The following MEGF11 variants were observed in gnomAD, a reference collection of about 807,000 sequenced individuals.
MEGF11 encodes the protein multiple epidermal growth factor-like domains protein 11.
In MEGF11, 126 loss-of-function variants were observed where a neutral mutation model predicts 146.6. The ratio of observed to expected loss-of-function variants is 0.86; its 90% CI spans 0.74 to 1.00. The LOEUF (loss-of-function observed/expected upper bound fraction) is 1.00. MEGF11 is among the 50% of genes least tolerant of loss of function. MEGF11 has a pLI of 0.00. For missense variants in MEGF11, 1,509 were observed against 1,521.2 expected, an observed-to-expected ratio of 0.99 and a Z score of 0.13; for synonymous variants, 532 against 583.4, an observed-to-expected ratio of 0.91 and a Z score of 1.27.
intron 19 of MEGF11, chr15:65,914,179 G>A: frequency 1.7e-6 from 1 of 577,748 alleles, no homozygotes. Context: ...TCATGACAAG[G>A]AGCAATTGTG....
intron 1 of MEGF11, among the ~76,000 whole-genome samples, chr15:66,194,798 T>C (rs1343150449): frequency 2.6e-5 from 4 of 152,076 alleles, no homozygotes; most frequent in Admixed American, 2.6e-4. Context: ...ACATGACTTG[T>C]TCCCCCAAAA....
rs142414637 is a variant in MEGF11 at position 66,226,720 on chromosome 15, C to T, written c.-9+26885G>A. On this transcript the variant is annotated intron_variant, in intron 1 of 25. Transcript: ENST00000395614. ...GAAAAAACATAGTCTATATAGGGGT[C>T]GGTACTGTCCACAGCATCCACTGGG... Among the ~76,000 whole-genome samples, 28 of 152,222 alleles carry T rather than the reference C, an allele frequency of 1.8e-4. No homozygotes were observed. The East Asian group carries it at 4.6e-3, about 25-fold the overall frequency.
intron 7 of MEGF11, among the ~76,000 whole-genome samples, chr15:65,974,099 C>A (rs909467077): frequency 2.0e-5 from 3 of 152,200 alleles, no homozygotes; most frequent in Admixed American, 1.3e-4. Flanking sequence ...GTTCAACACA[C>A]AATTATTAAG....
At chr15:65,952,366 C>T (rs2080438082) in intron 10 of MEGF11, among the ~76,000 whole-genome samples, 1 of 152,148 alleles carries the variant, frequency 6.6e-6, no homozygotes, top group African/African-American at 2.4e-5. Flanking sequence ...TGATGCCAAC[C>T]TGCAAGTGGA....
intron 7 of MEGF11, among the ~76,000 whole-genome samples, chr15:65,980,068 G>A (rs1248867237): frequency 6.6e-6 from 1 of 152,106 alleles, no homozygotes; most frequent in African/African-American, 2.4e-5. Context: ...AAGTGCAGGG[G>A]GCGAAGTTAG....
At chr15:66,231,944 C>G (rs986308507) in intron 1 of MEGF11, among the ~76,000 whole-genome samples, 1 of 152,240 alleles carries the variant, frequency 6.6e-6, no homozygotes, top group East Asian at 1.9e-4. Context: ...TCCAATCCCC[C>G]CAACAACCCT....
intron 5 of MEGF11, among the ~76,000 whole-genome samples, chr15:66,045,072 A>G (rs1254717526): frequency 6.6e-6 from 1 of 152,082 alleles, no homozygotes; most frequent in Non-Finnish European, 1.5e-5. Flanking sequence ...TGCTATAATA[A>G]ACATCCCCCA....
At chr15:66,009,481 C>A (rs987898038) in intron 5 of MEGF11, among the ~76,000 whole-genome samples, 1 of 151,986 alleles carries the variant, frequency 6.6e-6, no homozygotes, top group African/African-American at 2.4e-5. Flanking sequence ...CCCATTGACC[C>A]CTTCCTGGGA....
chr15:66,112,990 GATTTAA>G (rs967486855), intron 4 of MEGF11, among the ~76,000 whole-genome samples: 16 of 152,184 alleles, frequency 1.1e-4, no homozygotes, highest in African/African-American at 2.9e-4. Flanking sequence ...ATAGGAATTC[GATTTAA>G]ATTTAAACAA....
chr15:65,969,152 T>A (rs1463204457), intron 8 of MEGF11, among the ~76,000 whole-genome samples: 1 of 152,120 alleles, frequency 6.6e-6, no homozygotes, highest in Non-Finnish European at 1.5e-5. Flanking sequence ...ATTTGGCACA[T>A]CTCGACAGGG....
chr15:66,196,167 G>A (rs1341396289), intron 1 of MEGF11, among the ~76,000 whole-genome samples: 1 of 152,136 alleles, frequency 6.6e-6, no homozygotes, highest in Admixed American at 6.5e-5. Flanking sequence ...GGTACATGGT[G>A]CAGGCCCATA....
chr15:66,060,522 G>T (rs572859976), intron 5 of MEGF11, among the ~76,000 whole-genome samples: 4 of 152,298 alleles, frequency 2.6e-5, no homozygotes, highest in African/African-American at 9.6e-5. Flanking sequence ...TCTCCTCTCT[G>T]CAGTACCTGT....
At chr15:66,088,273 T>C (rs1223098486) in intron 5 of MEGF11, among the ~76,000 whole-genome samples, 1 of 152,208 alleles carries the variant, frequency 6.6e-6, no homozygotes, top group Non-Finnish European at 1.5e-5. Flanking sequence ...ACCAATCCTT[T>C]TGACACTGTT....
intron 2 of MEGF11, among the ~76,000 whole-genome samples, 192 bp from the exon 3 acceptor site, chr15:66,124,192 G>T (rs2088211811): frequency 1.3e-5 from 2 of 152,054 alleles, no homozygotes; most frequent in Admixed American, 1.3e-4. Context: ...CCGACCCCAG[G>T]TTGGCCCCAG....
intron 1 of MEGF11, among the ~76,000 whole-genome samples, chr15:66,161,092 A>G (rs77337891): frequency 6.6e-6 from 1 of 152,316 alleles, no homozygotes; most frequent in East Asian, 1.9e-4. Context: ...AGGTTCTTCA[A>G]CTTTTTCTCA....
intron 1 of MEGF11, among the ~76,000 whole-genome samples, chr15:66,220,998 T>C (rs1187964281): frequency 6.6e-6 from 1 of 152,170 alleles, no homozygotes; most frequent in African/African-American, 2.4e-5. Flanking sequence ...TAGTAAGTGG[T>C]ATTAATGTCA....
At chr15:66,118,348 C>T (rs904832778) in intron 4 of MEGF11, among the ~76,000 whole-genome samples, 2 of 152,220 alleles carry the variant, frequency 1.3e-5, no homozygotes, top group Non-Finnish European at 2.9e-5. Context: ...GATCTACAGG[C>T]TCCTGCTCCG....
intron 10 of MEGF11, among the ~76,000 whole-genome samples, chr15:65,955,743 A>AG (rs2080564759): frequency 1.7e-4 from 2 of 11,704 alleles, no homozygotes; most frequent in Non-Finnish European, 4.5e-4. Flanking sequence ...GACTCTTAAA[A>AG]AAAAAAAAAA....
rs765447292 is a variant in MEGF11, at chr15:65,982,234, T to A, written c.641+8A>T. The A allele has an allele frequency of 6.1e-6, 8 of 1,315,766 alleles. No individual in the cohort carries two copies. In the South Asian group the frequency reaches 6.2e-5, roughly 10 times the overall value. 81.5% of individuals were successfully genotyped at this position (1,315,766 alleles called of 1,614,324 possible). On this transcript the variant is annotated splice_region_variant and intron_variant, in intron 6 of 25. Transcript: ENST00000395614. This position sits in a 1 kb window ranked among gnomAD's most constrained non-coding sequence, Gnocchi z 5.6. Reference sequence around the variant, plus strand: ...TCCCGCCCCTCCAGGTCCTGCCGCATGACTCACTAGACGCCGGTGTAGCCA... The same window carrying A: ...TCCCGCCCCTCCAGGTCCTGCCGCAAGACTCACTAGACGCCGGTGTAGCCA...
Sources: gnomAD v4.1 joint callset for allele counts (sites outside exome capture counted in the v4.1 genomes callset) on GRCh38, gnomAD v4.1.1 for gene constraint, Gnocchi (gnomAD v3.1) non-coding constraint, MANE v1.5 for transcripts, NCBI Gene and HGNC (gene_info 2026-07-23, HGNC 2026-07-21) for gene names.